RAI1: variants seen among roughly 807,000 people sequenced by gnomAD.
The protein encoded by RAI1 is retinoic acid-induced protein 1.
In RAI1, 9 loss-of-function variants were observed where a neutral mutation model predicts 123.8. The ratio of observed to expected loss-of-function variants is 0.07; its 90% CI spans 0.04 to 0.13. The LOEUF is 0.13. Ranked by LOEUF, RAI1 falls within the 10% of genes least tolerant of loss-of-function variation. RAI1 has a pLI of 1.00. For synonymous variants in RAI1, 1,231 were observed against 1,127.3 expected (o/e 1.09, Z -1.84); for missense variants, 2,256 against 2,545.8 (o/e 0.89, Z 2.45).
chr17:17,682,314 G>A lies in RAI1; in HGVS notation c.-149+521G>A, dbSNP rs75208850. On this transcript the variant is annotated intron_variant, in intron 1 of 5. Transcript: ENST00000353383. Reference sequence around the variant, plus strand: ...GGCGAAGGCCGTGCGTGGCGAGATGGGTGCTCGGGCTCTCTGCGGTGTCCC... The same window carrying A: ...GGCGAAGGCCGTGCGTGGCGAGATGAGTGCTCGGGCTCTCTGCGGTGTCCC... 2.6e-5 allele frequency among the ~76,000 whole-genome samples: 4 copies of A among 151,596 alleles called. No individual in the cohort carries two copies. The East Asian group carries it at 7.8e-4, about 30-fold the overall frequency.
At position 17,803,639 on chromosome 17, in the gene RAI1, G is replaced by A. The variant is rs549592010; in HGVS notation, c.5566-117G>A. On this transcript the variant is annotated intron_variant, in intron 3 of 5. Coordinates refer to ENST00000353383, the MANE Select transcript of RAI1 (RefSeq NM_030665.4). ...GGACTCAGGCGATCCTCCCACCTTG[G>A]CCTCCCAGAGTGCTGGGATTACAGG... The A allele has an allele frequency of 3.2e-6, 3 of 930,514 alleles. No homozygotes were observed. In the African/African-American group the frequency reaches 4.8e-5, roughly 15 times the overall value. The allele number at this position is 930,514 out of a possible 1,614,324, so 57.6% of individuals were successfully genotyped here. A position where few individuals can be genotyped will look rare whatever the true frequency, so the allele number is the denominator to read the frequency against.
At chr17:17,742,730 C>T (rs563677156) in intron 2 of RAI1, among the ~76,000 whole-genome samples, 2 of 152,204 alleles carry the variant, frequency 1.3e-5, no homozygotes, top group African/African-American at 2.4e-5. Flanking sequence ...GTCCTTTAGA[C>T]CTTCCTCCAG....
intron 2 of RAI1, among the ~76,000 whole-genome samples, chr17:17,773,695 G>A (rs1384168192): frequency 6.6e-6 from 1 of 152,146 alleles, no homozygotes; most frequent in Non-Finnish European, 1.5e-5. Context: ...AGGGTACCCA[G>A]GAAATATGGG....
At chr17:17,686,608 T>TGTGTGTGTGCGC (rs1491248703) in intron 1 of RAI1, among the ~76,000 whole-genome samples, 20 of 137,764 alleles carry the variant, frequency 1.5e-4, no homozygotes, top group African/African-American at 5.3e-4. Context: ...TGTGTGTGTG[T>TGTGTGTGTGCGC]GCACGCGCGC....
intron 2 of RAI1, among the ~76,000 whole-genome samples, chr17:17,757,750 G>C (rs1201965663): frequency 6.6e-6 from 1 of 152,210 alleles, no homozygotes; most frequent in African/African-American, 2.4e-5. Context: ...CACTTCCGGA[G>C]ACTACTTGAG....
chr17:17,723,348 C>G (rs900630607), intron 1 of RAI1, among the ~76,000 whole-genome samples: 9 of 150,524 alleles, frequency 6.0e-5, no homozygotes, highest in East Asian at 2.0e-4. Flanking sequence ...GACCCCCCCC[C>G]CCAAGCCCCG....
intron 3 of RAI1, 93 bp from the exon 4 acceptor site, chr17:17,803,663 G>A (rs532005972): frequency 2.0e-5 from 24 of 1,195,258 alleles, no homozygotes; most frequent in Non-Finnish European, 2.6e-5. Flanking sequence ...TGGGATTACA[G>A]GCATGAGCCA....
intron 3 of RAI1, among the ~76,000 whole-genome samples, chr17:17,803,242 C>A (rs1385453310): frequency 4.6e-5 from 7 of 152,110 alleles, no homozygotes. Flanking sequence ...ATGTACCAGC[C>A]CAGAGGGTGC....
intron 1 of RAI1, 148 bp downstream of exon 1, chr17:17,681,941 C>T (rs1914433604): frequency 4.4e-6 from 1 of 228,196 alleles, no homozygotes. Flanking sequence ...GTGGGGTCCG[C>T]GGGGTCCTTG....
Position 17,742,325 on chromosome 17 carries a change from A to C in RAI1, c.-17+18166A>C, listed in dbSNP as rs185496248. Among the ~76,000 whole-genome samples, 289 of 152,324 alleles carry C rather than the reference A, an allele frequency of 1.9e-3. 5 individuals carry two copies. The highest frequency in any genetic ancestry group is 0.017 in the Admixed American group (254 of 15,296). ...GAGGCTCCCAAGACTCACAATAGAC[A>C]CTTAATGAATATTTGTGGAATGAAT... On this transcript the variant is annotated intron_variant, in intron 2 of 5. Coordinates refer to ENST00000353383, the MANE Select transcript of RAI1 (RefSeq NM_030665.4).
Position 17,714,602 on chromosome 17 carries a change from A to G in RAI1, c.-148-9426A>G, listed in dbSNP as rs1188598070. 2.6e-5 allele frequency among the ~76,000 whole-genome samples: 4 copies of G among 152,210 alleles called. No homozygotes were observed. The highest frequency in any genetic ancestry group is 2.9e-5 in the Non-Finnish European group (2 of 68,006). ...GGGCCCTGCTGTTCTTCCCCATTTT[A>G]AAGGTGAAAAACCTGAGGCTCAGAA... On this transcript the variant is annotated intron_variant, in intron 1 of 5. Coordinates refer to ENST00000353383, the MANE Select transcript of RAI1 (RefSeq NM_030665.4). The surrounding 1 kb of genome is among the most constrained non-coding windows in gnomAD (Gnocchi z 4.9).
intron 2 of RAI1, among the ~76,000 whole-genome samples, chr17:17,765,571 C>A (rs1176606484): frequency 6.6e-6 from 1 of 152,268 alleles, no homozygotes; most frequent in Non-Finnish European, 1.5e-5. Flanking sequence ...CATTCTAGTA[C>A]ACAGGCAAGA....
At chr17:17,683,073 GC>G (rs927498276) in intron 1 of RAI1, among the ~76,000 whole-genome samples, 1 of 152,102 alleles carries the variant, frequency 6.6e-6, no homozygotes, top group African/African-American at 2.4e-5. Flanking sequence ...ACTGTCCCCC[GC>G]CCCCCTTTTA....
chr17:17,782,273 G>A (rs1392316964), intron 2 of RAI1: 1 of 152,182 alleles, frequency 6.6e-6, no homozygotes, highest in East Asian at 1.9e-4. Flanking sequence ...AAACCCGAGA[G>A]GCAGATATAG....
intron 2 of RAI1, among the ~76,000 whole-genome samples, chr17:17,767,604 G>A (rs941311981): frequency 3.3e-5 from 5 of 152,194 alleles, no homozygotes; most frequent in Non-Finnish European, 7.3e-5. Context: ...CATTTGGCAG[G>A]TCAGAAAAAA....
At chr17:17,686,983 C>T (rs373795103) in intron 1 of RAI1, among the ~76,000 whole-genome samples, 4 of 152,134 alleles carry the variant, frequency 2.6e-5, no homozygotes, top group South Asian at 2.1e-4. Flanking sequence ...AATGAGCATC[C>T]GGTTTCTTTC....
At position 17,801,008 on chromosome 17, in the gene RAI1, G is replaced by T. The variant is rs1471073056; in HGVS notation, c.5565+2495G>T. Among the ~76,000 whole-genome samples, 1 of 148,894 alleles carries T rather than the reference G, an allele frequency of 6.7e-6. No individual in the cohort carries two copies. The highest frequency in any genetic ancestry group is 1.5e-5 in the Non-Finnish European group (1 of 67,870). On this transcript the variant is annotated intron_variant, in intron 3 of 5. Coordinates refer to ENST00000353383, the MANE Select transcript of RAI1 (RefSeq NM_030665.4). The surrounding 1 kb of genome is among the most constrained non-coding windows in gnomAD (Gnocchi z 4.1). ...CCTGCCTGGCATGTGGAAGGGGCTT[G>T]GGGTGCAGCTGTGTCCCTGGCCCCA...
chr17:17,759,990 G>A (rs1321102900), intron 2 of RAI1, among the ~76,000 whole-genome samples: 1 of 152,174 alleles, frequency 6.6e-6, no homozygotes, highest in African/African-American at 2.4e-5. Context: ...TGGAGGAGAT[G>A]GGCTGTAGAA....
At chr17:17,687,208 G>T (rs562317867) in intron 1 of RAI1, among the ~76,000 whole-genome samples, 15 of 152,186 alleles carry the variant, frequency 9.9e-5, no homozygotes, top group Non-Finnish European at 2.1e-4. Context: ...TGCCCAGAAT[G>T]CTGTGCAGAG....
Sources: allele counts gnomAD v4.1 joint callset (sites outside exome capture counted in the v4.1 genomes callset), GRCh38; gene constraint gnomAD v4.1.1; non-coding constraint Gnocchi (gnomAD v3.1); transcripts MANE v1.5; gene names NCBI Gene and HGNC (gene_info 2026-07-23, HGNC 2026-07-21).